Variants in MMP2 observed in about 807,000 individuals in gnomAD.
MMP2 encodes the protein matrix metallopeptidase 2.
Under a neutral mutation model 74.8 loss-of-function variants are expected in MMP2, and 39 were observed. The ratio of observed to expected loss-of-function variants is 0.52; its 90% confidence interval spans 0.40 to 0.68. The LOEUF (loss-of-function observed/expected upper bound fraction) is 0.68, where lower values mean the gene tolerates loss of function less well. MMP2 is among the 30% of genes least tolerant of loss of function. The pLI, the probability that MMP2 is intolerant of heterozygous loss-of-function variation, is 0.00. For missense variants in MMP2, 803 were observed against 878.3 expected (o/e 0.91, Z 1.08); for synonymous variants, 367 against 339.8 (o/e 1.08, Z -0.88).
chr16:55,499,961 C>T (rs1476787620), intron 11 of MMP2, among the ~76,000 whole-genome samples: 1 of 152,058 alleles, frequency 6.6e-6, no homozygotes, highest in African/African-American at 2.4e-5. Flanking sequence ...TCTGCCATCC[C>T]CAAAACAATC....
At chr16:55,485,193 G>A (rs1470707358) in intron 3 of MMP2, 106 bp from the exon 4 acceptor site, 9 of 1,519,792 alleles carry the variant, frequency 5.9e-6, no homozygotes, top group Non-Finnish European at 8.2e-6. Flanking sequence ...CAAGGGAAGG[G>A]GACAGATGCT....
chr16:55,483,867 C>T, intron 2 of MMP2, 149 bp from the exon 3 acceptor site: 7 of 805,244 alleles, frequency 8.7e-6, no homozygotes, highest in Non-Finnish European at 1.3e-5. Context: ...CATACCTGTG[C>T]ACCCTTCCCG....
intron 7 of MMP2, among the ~76,000 whole-genome samples, chr16:55,491,070 CCTTTT>C (rs1411007117): frequency 8.0e-6 from 1 of 124,366 alleles, no homozygotes; most frequent in Non-Finnish European, 1.7e-5. Context: ...TGCCTCTCCT[CCTTTT>C]TTTTTTTTTT....
intron 10 of MMP2, 137 bp from the exon 11 acceptor site, chr16:55,498,152 G>A (rs557013619): frequency 7.8e-6 from 9 of 1,147,146 alleles, no homozygotes; most frequent in African/African-American, 6.0e-5. Context: ...TCTGGGCACT[G>A]CAACCAGGAG....
chr16:55,489,529 T>C, intron 6 of MMP2, 122 bp from the exon 7 acceptor site: 1 of 1,220,076 alleles, frequency 8.2e-7, no homozygotes, highest in Admixed American at 1.7e-5. Context: ...AGTCTAAAGA[T>C]ACAGTGCCTG....
chr16:55,497,200 A>G, intron 10 of MMP2, 138 bp downstream of exon 10: 1 of 1,185,750 alleles, frequency 8.4e-7, no homozygotes. Flanking sequence ...TTATGGATTC[A>G]TTCTTTCAAC....
At chr16:55,502,727 G>T in intron 11 of MMP2, 52 bp from the exon 12 acceptor site, 1 of 1,516,430 alleles carries the variant, frequency 6.6e-7, no homozygotes, top group Non-Finnish European at 9.2e-7. Flanking sequence ...GGCCAGGGGG[G>T]AAGTGTCCTT....
chr16:55,504,853 C>T (rs1962757847), intron 12 of MMP2, among the ~76,000 whole-genome samples: 2 of 151,962 alleles, frequency 1.3e-5, no homozygotes, highest in East Asian at 1.9e-4. Flanking sequence ...GAGGTTTCAC[C>T]ATGTTAGCCA....
chr16:55,492,102 T>C (rs1177345811), intron 8 of MMP2, 146 bp downstream of exon 8: 13 of 763,366 alleles, frequency 1.7e-5, no homozygotes, highest in Non-Finnish European at 1.9e-5. Flanking sequence ...AGTGTTGACC[T>C]GGTCTTGGGA....
chr16:55,484,260 C>T lies in MMP2; in HGVS notation c.529+96C>T, dbSNP rs114589968. The stretch of plus-strand genomic sequence containing the variant: ...TAGAGGGGCGTGGGGATCCTAAGGG[C>T]GGCTTAGATAGGACAGTAGATGGTG... On this transcript the variant is annotated intron_variant, in intron 3 of 12. Transcript: ENST00000219070. 1.1e-3 allele frequency: 1,516 copies of T among 1,437,194 alleles called. 8 individuals carry two copies. In the African/African-American group the frequency reaches 0.018, roughly 17 times the overall value. 89.0% of individuals were successfully genotyped at this position (1,437,194 alleles called of 1,614,324 possible).
intron 3 of MMP2, among the ~76,000 whole-genome samples, 191 bp downstream of exon 3, chr16:55,484,355 G>A (rs775465685): frequency 2.0e-5 from 3 of 152,164 alleles, no homozygotes; most frequent in Non-Finnish European, 4.4e-5. Context: ...ACGTTGACAT[G>A]GGGGCAGATG....
At position 55,505,498 on chromosome 16, in the gene MMP2, T is replaced by C. The variant is rs1422059945; in HGVS notation, c.*56T>C. ...TCCACTGCCTTCGATACACCGGGCC[T>C]GGAGAACTAGAGAAGGACCCGGAGG... On this transcript the variant is annotated 3_prime_UTR_variant, in exon 13 of 13. Transcript: ENST00000219070. 2.1e-5 allele frequency: 31 copies of C among 1,502,112 alleles called. No homozygotes were observed. Among genetic ancestry groups the C allele is most frequent in the Non-Finnish European group, 2.7e-5 (29 of 1,078,852 alleles). The allele number at this position is 1,502,112 out of a possible 1,614,324, so 93.0% of individuals were successfully genotyped here.
chr16:55,491,091 G>A (rs541208626), intron 7 of MMP2, among the ~76,000 whole-genome samples: 48 of 148,850 alleles, frequency 3.2e-4, no homozygotes, highest in African/African-American at 1.1e-3. Context: ...TTTTTGAGAC[G>A]GAGTCTTGCT....
Position 55,485,371 on chromosome 16 carries a change from T to C in MMP2, c.602T>C (p.Val201Ala), listed in dbSNP as rs1328674439. Reference protein sequence around the residue: ...LAHAFAPGTGVGGDSHFDDDE... With the variant: ...LAHAFAPGTGAGGDSHFDDDE... Reference sequence around the variant, plus strand: ...CATGCCTTCGCCCCAGGCACTGGTGTTGGGGGAGACTCCCATTTTGATGAC... The same window carrying C: ...CATGCCTTCGCCCCAGGCACTGGTGCTGGGGGAGACTCCCATTTTGATGAC... The change falls in exon 4 of 13, where the codon GTT becomes GCT. Residue 201 changes from valine (V) to alanine (A), a missense_variant. Transcript: ENST00000219070. 2.5e-6 allele frequency: 4 copies of C among 1,614,088 alleles called. No homozygotes were observed. The highest frequency in any genetic ancestry group is 3.4e-6 in the Non-Finnish European group (4 of 1,179,994).
At position 55,506,074 on chromosome 16, in the gene MMP2, A is replaced by T. The variant is rs1962793892; in HGVS notation, c.*632A>T. On this transcript the variant is annotated 3_prime_UTR_variant, in exon 13 of 13. Transcript: ENST00000219070. ...ACAGTGCATCTCAGCCCACATAGTG[A>T]TGGTTCCCCTGTTCACTCTACTTAG... The T allele has an allele frequency of 6.5e-6, 1 of 153,672 alleles. No individual in the cohort carries two copies. The highest frequency in any genetic ancestry group is 6.4e-5 in the Admixed American group (1 of 15,538). 9.5% of individuals were successfully genotyped at this position (153,672 alleles called of 1,614,324 possible). A position where few individuals can be genotyped will look rare whatever the true frequency, so the allele number is the denominator to read the frequency against.
intron 6 of MMP2, 134 bp from the exon 7 acceptor site, chr16:55,489,517 T>C (rs1474571825): frequency 2.8e-6 from 3 of 1,072,868 alleles, no homozygotes; most frequent in Non-Finnish European, 4.3e-6. Context: ...GTGGGTGAGA[T>C]GAGTCTAAAG....
chr16:55,500,688 G>A (rs961187200), intron 11 of MMP2, among the ~76,000 whole-genome samples: 1 of 152,208 alleles, frequency 6.6e-6, no homozygotes, highest in African/African-American at 2.4e-5. Flanking sequence ...TCCTGAAAAG[G>A]GACAGAGCTG....
At chr16:55,496,159 G>A (rs1244762634) in intron 9 of MMP2, among the ~76,000 whole-genome samples, 5 of 152,340 alleles carry the variant, frequency 3.3e-5, no homozygotes, top group Middle Eastern at 6.8e-3. Flanking sequence ...CTTATCTGTA[G>A]ATCTCTGTAA....
At chr16:55,492,426 ATTATTTATTTATTTATTTAT>A (rs3996855) in intron 8 of MMP2, among the ~76,000 whole-genome samples, 1,724 of 143,482 alleles carry the variant, frequency 0.012, 43 homozygotes, top group African/African-American at 0.04. Context: ...CCTTAAGCCA[ATTATTTATTTATTTATTTAT>A]TTATTTATTT....
Sources: gnomAD v4.1 joint callset for allele counts (sites outside exome capture counted in the v4.1 genomes callset) on GRCh38, gnomAD v4.1.1 for gene constraint, MANE v1.5 for transcripts, NCBI Gene and HGNC (gene_info 2026-07-23, HGNC 2026-07-21) for gene names.